CELF2: variants seen among roughly 807,000 people sequenced by gnomAD.
The protein encoded by CELF2 is CUGBP Elav-like family member 2.
In CELF2, 8 loss-of-function variants were observed where a neutral mutation model predicts 62.6. That is an observed-to-expected ratio of 0.13 (90% CI 0.07 to 0.23). The LOEUF (loss-of-function observed/expected upper bound fraction) is 0.23, where lower values mean the gene tolerates loss of function less well. Ranked by LOEUF, CELF2 falls within the 10% of genes least tolerant of loss-of-function variation. The pLI is 1.00. For synonymous variants in CELF2, 258 were observed against 250.0 expected (o/e 1.03, Z -0.30); for missense variants, 333 against 671.0 (o/e 0.50, Z 5.56).
At chr10:10,513,990 C>T in the CELF2 span, among the ~76,000 whole-genome samples, 1 of 152,224 alleles carries the variant, frequency 6.6e-6, no homozygotes, top group African/African-American at 2.4e-5. Flanking sequence ...AAAGCCTAGA[C>T]CCTTCCTCTT....
At chr10:11,058,329 A>G (rs1382233701) in intron 1 of CELF2, among the ~76,000 whole-genome samples, 1 of 152,134 alleles carries the variant, frequency 6.6e-6, no homozygotes, top group East Asian at 1.9e-4. Flanking sequence ...AAGGAGTTAC[A>G]CTATATTTGC....
At chr10:10,562,748 C>G in the CELF2 span, among the ~76,000 whole-genome samples, 1 of 149,630 alleles carries the variant, frequency 6.7e-6, no homozygotes, top group South Asian at 2.1e-4. Flanking sequence ...CATTCCTTCC[C>G]TTTTATTTCC....
At chr10:10,908,633 T>C (rs1175378291) in intron 1 of CELF2, among the ~76,000 whole-genome samples, 1 of 152,230 alleles carries the variant, frequency 6.6e-6, no homozygotes, top group East Asian at 1.9e-4. Flanking sequence ...GTTCAGAAAA[T>C]TAAAAAATAA....
At chr10:10,532,901 A>AAG in the CELF2 span, among the ~76,000 whole-genome samples, 16,374 of 149,866 alleles carry the variant, frequency 0.11, 1,019 homozygotes, top group East Asian at 0.23. Flanking sequence ...AAAAAAAAAA[A>AAG]TAGAGAGCAA....
At chr10:10,795,476 G>C (rs1240064924), upstream of CELF2, among the ~76,000 whole-genome samples, 1 of 152,102 alleles carries the variant, frequency 6.6e-6, no homozygotes, top group Non-Finnish European at 1.5e-5. Context: ...AAAATTTACT[G>C]TTGCCTTTCT....
At chr10:10,904,862 T>C (rs1424157371) in intron 1 of CELF2, among the ~76,000 whole-genome samples, 1 of 152,196 alleles carries the variant, frequency 6.6e-6, no homozygotes, top group East Asian at 1.9e-4. Context: ...TGAGAAGCAG[T>C]TGGAAAAACA....
At chr10:10,815,052 T>C in intron 1 of CELF2, among the ~76,000 whole-genome samples, 1 of 152,220 alleles carries the variant, frequency 6.6e-6, no homozygotes, top group East Asian at 1.9e-4. Flanking sequence ...GTGAGAATTA[T>C]AGAAGAATGG....
rs953256211 is a variant in CELF2 at position 11,237,119 on chromosome 10, G to C, written c.355-12034G>C. On this transcript the variant is annotated intron_variant, in intron 3 of 12. Coordinates refer to ENST00000633077, the MANE Select transcript of CELF2 (RefSeq NM_001326342.2). The surrounding 1 kb of genome is among the most constrained non-coding windows in gnomAD (Gnocchi z 4.0). ...CCAGAACTGGTGAGGAGGCTGTTTC[G>C]GGGATCCAGGTGAGCAGGAATGAAA... Among the ~76,000 whole-genome samples the C allele has an allele frequency of 6.6e-6, 1 of 152,162 alleles. No homozygotes were observed. Among genetic ancestry groups the C allele is most frequent in the Non-Finnish European group, 1.5e-5 (1 of 68,026 alleles).
chr10:10,591,826 C>G, the CELF2 span, among the ~76,000 whole-genome samples: 2 of 152,152 alleles, frequency 1.3e-5, no homozygotes, highest in African/African-American at 2.4e-5. Context: ...TATTTAGAAC[C>G]CAAAGTCTCT....
At chr10:10,789,359 A>G in the CELF2 span, among the ~76,000 whole-genome samples, 1 of 152,030 alleles carries the variant, frequency 6.6e-6, no homozygotes. Context: ...AGTTTTATAG[A>G]TATGTCATAT....
At chr10:11,261,914 T>C (rs2080755177) in intron 5 of CELF2, among the ~76,000 whole-genome samples, 1 of 152,194 alleles carries the variant, frequency 6.6e-6, no homozygotes, top group African/African-American at 2.4e-5. Context: ...AGCATGTTGA[T>C]TTCCTAAAAT....
intron 1 of CELF2, among the ~76,000 whole-genome samples, chr10:10,838,362 T>G (rs1038319036): frequency 6.6e-6 from 1 of 152,162 alleles, no homozygotes; most frequent in Non-Finnish European, 1.5e-5. Context: ...ATCGCATTTC[T>G]CCACTACAAA....
chr10:10,538,129 A>C, the CELF2 span, among the ~76,000 whole-genome samples: 1 of 152,106 alleles, frequency 6.6e-6, no homozygotes, highest in Non-Finnish European at 1.5e-5. Flanking sequence ...GAGCATCCTG[A>C]GAGTTGTTGC....
Position 11,212,386 on chromosome 10 carries a change from C to T in CELF2, c.272-5039C>T, listed in dbSNP as rs551168776. ...CAATGCTCTGTGCCCCTGGACCTTT[C>T]TTCTGTGCTTTTTCTGTCTTGTGTT... On this transcript the variant is annotated intron_variant, in intron 2 of 12. Coordinates refer to ENST00000633077, the MANE Select transcript of CELF2 (RefSeq NM_001326342.2). Among the ~76,000 whole-genome samples, 5 of 152,342 alleles carry T rather than the reference C, an allele frequency of 3.3e-5. No homozygotes were observed. In the South Asian group the frequency reaches 1.0e-3, roughly 32 times the overall value.
At chr10:10,524,961 G>A in the CELF2 span, among the ~76,000 whole-genome samples, 2 of 152,146 alleles carry the variant, frequency 1.3e-5, no homozygotes, top group South Asian at 4.2e-4. Context: ...TAATGTAGAG[G>A]GTTCTTAGAT....
intron 1 of CELF2, among the ~76,000 whole-genome samples, chr10:10,826,182 C>G (rs545257244): frequency 6.6e-6 from 1 of 150,812 alleles, no homozygotes; most frequent in Non-Finnish European, 1.5e-5. Flanking sequence ...AAAAAAAAAA[C>G]AATCCTTAGT....
At chr10:10,914,395 A>G (rs2064132200) in intron 1 of CELF2, among the ~76,000 whole-genome samples, 1 of 152,156 alleles carries the variant, frequency 6.6e-6, no homozygotes. Context: ...TGACGAGGGA[A>G]TGTTATTGCA....
chr10:10,968,656 G>T (rs1435237653), intron 2 of CELF2, among the ~76,000 whole-genome samples: 1 of 151,896 alleles, frequency 6.6e-6, no homozygotes, highest in Non-Finnish European at 1.5e-5. Context: ...ACTTCACTCT[G>T]TGTTCTTATG....
the CELF2 span, among the ~76,000 whole-genome samples, chr10:10,671,964 A>T: frequency 6.6e-6 from 1 of 152,128 alleles, no homozygotes; most frequent in African/African-American, 2.4e-5. Flanking sequence ...GCCTGACCTC[A>T]GGTACTCCAC....
Sources: gnomAD v4.1 joint callset for allele counts (sites outside exome capture counted in the v4.1 genomes callset) on GRCh38, gnomAD v4.1.1 for gene constraint, Gnocchi (gnomAD v3.1) non-coding constraint, MANE v1.5 for transcripts, NCBI Gene and HGNC (gene_info 2026-07-23, HGNC 2026-07-21) for gene names.